Variants in EPHB2 observed in about 807,000 individuals in gnomAD.
EPHB2 encodes the protein ephrin type-B receptor 2.
In EPHB2, 18 loss-of-function variants were observed where a neutral mutation model predicts 96.4. The ratio of observed to expected loss-of-function variants is 0.19; its 90% CI spans 0.13 to 0.28. The LOEUF (loss-of-function observed/expected upper bound fraction) is 0.28. EPHB2 is among the 10% of genes least tolerant of loss of function. The pLI is 1.00. For synonymous variants in EPHB2, 506 were observed against 534.1 expected (o/e 0.95, Z 0.72); for missense variants, 989 against 1,355.4 (o/e 0.73, Z 4.25).
chr1:22,909,797 A>G (rs1640034886), intron 13 of EPHB2, among the ~76,000 whole-genome samples: 1 of 152,178 alleles, frequency 6.6e-6, no homozygotes, highest in Admixed American at 6.5e-5. Context: ...AGGGTGACCC[A>G]CAGTTGAGCT....
intron 1 of EPHB2, among the ~76,000 whole-genome samples, chr1:22,776,999 G>A (rs899371533): frequency 2.0e-4 from 31 of 152,214 alleles, no homozygotes; most frequent in Admixed American, 6.5e-5. Flanking sequence ...TTACCACCCA[G>A]AATATCTTCA....
chr1:22,745,427 G>A (rs771034794), intron 1 of EPHB2, among the ~76,000 whole-genome samples: 9 of 152,294 alleles, frequency 5.9e-5, no homozygotes, highest in East Asian at 3.9e-4. Flanking sequence ...TCAGGATCGC[G>A]ATTGCCTATG....
chr1:22,910,355 C>T, intron 13 of EPHB2, 27 bp from the exon 14 acceptor site: 1 of 1,614,080 alleles, frequency 6.2e-7, no homozygotes, highest in South Asian at 1.1e-5. Context: ...ATCCACCCAA[C>T]CCCACTGCAC....
At chr1:22,735,604 G>T (rs979696917) in intron 1 of EPHB2, among the ~76,000 whole-genome samples, 17 of 152,270 alleles carry the variant, frequency 1.1e-4, no homozygotes, top group Admixed American at 4.6e-4. Flanking sequence ...TGAACTCCCA[G>T]CAGGGAGCCT....
chr1:22,784,330 A>T lies in EPHB2; in HGVS notation c.127-62A>T. The stretch of plus-strand genomic sequence containing the variant: ...AGGCAGAGTCTGTGTCTTCCACCTT[A>T]GACTGAGTGTGTGCTGGGGCTGAGC... On this transcript the variant is annotated intron_variant, in intron 2 of 15. Coordinates refer to ENST00000374630, the MANE Select transcript of EPHB2 (RefSeq NM_017449.5). The surrounding 1 kb of genome is among the most constrained non-coding windows in gnomAD (Gnocchi z 5.1). 6.5e-7 allele frequency: 1 copy of T among 1,533,840 alleles called. No homozygotes were observed. Among genetic ancestry groups the T allele is most frequent in the Non-Finnish European group, 9.0e-7 (1 of 1,110,686 alleles).
intron 6 of EPHB2, among the ~76,000 whole-genome samples, chr1:22,890,718 A>G (rs949436901): frequency 6.6e-6 from 1 of 152,234 alleles, no homozygotes; most frequent in Non-Finnish European, 1.5e-5. Flanking sequence ...AGGTAATTGA[A>G]TCACGGGGGT....
At chr1:22,863,331 G>A in intron 4 of EPHB2, 139 bp downstream of exon 4, 1 of 1,420,534 alleles carries the variant, frequency 7.0e-7, no homozygotes. Context: ...AAGTGCTCAA[G>A]AAAGGGGCAT....
Position 22,863,099 on chromosome 1 carries a change from A to G in EPHB2, c.874A>G (p.Asn292Asp). ...GDEACTHCPINSRTTSEGATN... is the reference protein window; with the variant it reads ...GDEACTHCPIDSRTTSEGATN... ...TGAGGCCTGTACCCACTGTCCCATCAACAGCCGGACCACTTCTGAAGGGGC... is the reference window on the plus strand; with the variant it reads ...TGAGGCCTGTACCCACTGTCCCATCGACAGCCGGACCACTTCTGAAGGGGC... The change falls in exon 4 of 16, where the codon AAC becomes GAC. Residue 292 changes from asparagine (N) to aspartate (D), a missense_variant. Coordinates refer to ENST00000374630, the MANE Select transcript of EPHB2 (RefSeq NM_017449.5). 1 of 1,614,158 alleles carries G rather than the reference A, an allele frequency of 6.2e-7. No individual in the cohort carries two copies. The highest frequency in any genetic ancestry group is 8.5e-7 in the Non-Finnish European group (1 of 1,180,022).
chr1:22,792,206 T>C (rs114955452), intron 3 of EPHB2, among the ~76,000 whole-genome samples: 1,376 of 127,790 alleles, frequency 0.011, 14 homozygotes, highest in African/African-American at 0.038. Context: ...GGGGGTGGGG[T>C]GCGGTCAATG....
rs1252769186 is a variant in EPHB2 at position 22,882,490 on chromosome 1, A to G, written c.1428+7A>G. ...GCTGCAGTACTATGAGAAGGTACCTATTGGCTGGGTGCTGTCCCCATCACC... is the reference window on the plus strand; with the variant it reads ...GCTGCAGTACTATGAGAAGGTACCTGTTGGCTGGGTGCTGTCCCCATCACC... On this transcript the variant is annotated splice_region_variant and intron_variant, in intron 6 of 15. Coordinates refer to ENST00000374630, the MANE Select transcript of EPHB2 (RefSeq NM_017449.5). 2.5e-6 allele frequency: 4 copies of G among 1,613,446 alleles called. No homozygotes were observed. The highest frequency in any genetic ancestry group is 1.7e-5 in the Admixed American group (1 of 59,994).
chr1:22,824,959 G>T (rs1645203087), intron 3 of EPHB2, among the ~76,000 whole-genome samples: 1 of 152,198 alleles, frequency 6.6e-6, no homozygotes, highest in Non-Finnish European at 1.5e-5. Flanking sequence ...CTGCAGCCCT[G>T]CGGGAAGGGG....
intron 1 of EPHB2, among the ~76,000 whole-genome samples, chr1:22,729,339 C>T (rs1030378067): frequency 6.6e-6 from 1 of 152,232 alleles, no homozygotes; most frequent in African/African-American, 2.4e-5. Context: ...CCCATAGCCA[C>T]ACTGGGAGAC....
intron 1 of EPHB2, among the ~76,000 whole-genome samples, chr1:22,711,598 G>A (rs1222577449): frequency 2.6e-5 from 4 of 151,834 alleles, no homozygotes; most frequent in African/African-American, 9.7e-5. Context: ...CAGCCCCCGC[G>A]TCGGTGCCTG....
intron 6 of EPHB2, chr1:22,890,999 C>T (rs570556918): frequency 2.9e-5 from 13 of 442,200 alleles, no homozygotes; most frequent in Admixed American, 9.7e-5. Flanking sequence ...ATGCAGCCCC[C>T]GTCCCAGACC....
intron 3 of EPHB2, among the ~76,000 whole-genome samples, chr1:22,848,549 G>A (rs7521936): frequency 0.3 from 46,046 of 152,012 alleles, 7,471 homozygotes; most frequent in Middle Eastern, 0.45. Context: ...AAACCCCCAG[G>A]TCTTTTTCAC....
chr1:22,777,056 A>G (rs1407980733), intron 1 of EPHB2, among the ~76,000 whole-genome samples: 1 of 152,246 alleles, frequency 6.6e-6, no homozygotes. Context: ...GCTTTGGGGC[A>G]GAATGGATTT....
chr1:22,882,656 C>T, intron 6 of EPHB2, 173 bp downstream of exon 6: 2 of 962,086 alleles, frequency 2.1e-6, no homozygotes, highest in South Asian at 3.0e-5. Context: ...CTCCTTCCCA[C>T]TGTGAGACCT....
intron 6 of EPHB2, among the ~76,000 whole-genome samples, chr1:22,892,385 T>C (rs999596775): frequency 3.3e-5 from 5 of 152,168 alleles, no homozygotes; most frequent in African/African-American, 9.7e-5. Context: ...AAACAAACAA[T>C]TCCAAAAATC....
intron 3 of EPHB2, among the ~76,000 whole-genome samples, chr1:22,827,865 C>A (rs528540809): frequency 3.3e-4 from 51 of 152,366 alleles, no homozygotes; most frequent in Non-Finnish European, 7.2e-4. Context: ...AGGTGACAGA[C>A]CCTTGGCCTT....
Sources: allele counts gnomAD v4.1 joint callset (sites outside exome capture counted in the v4.1 genomes callset), GRCh38; gene constraint gnomAD v4.1.1; non-coding constraint Gnocchi (gnomAD v3.1); transcripts MANE v1.5; gene names NCBI Gene and HGNC (gene_info 2026-07-23, HGNC 2026-07-21).